The following MED15 variants were observed in gnomAD, a reference collection of about 807,000 sequenced individuals.
MED15 encodes mediator of RNA polymerase II transcription subunit 15.
Under a neutral mutation model 118.7 loss-of-function variants are expected in MED15, and 41 were observed. The observed-to-expected ratio is 0.35, with a 90% CI of 0.27 to 0.45. MED15 has a LOEUF of 0.45. Among genes scored for constraint, MED15 ranks in the 20% least tolerant of loss-of-function variants. MED15 has a pLI of 1.00. For missense variants in MED15, 740 were observed against 1,025.5 expected (o/e 0.72, Z 3.80); for synonymous variants, 436 against 413.9 (o/e 1.05, Z -0.65).
rs1430917756 is a variant in MED15, at chr22:20,566,828, G to A, written c.1041+11G>A. 6 of 1,610,990 alleles carry A rather than the reference G, an allele frequency of 3.7e-6. No individual in the cohort carries two copies. Among genetic ancestry groups the A allele is most frequent in the Middle Eastern group, 3.3e-4 (2 of 6,078 alleles). ...CCACCACTGAAATTTGTGAGTACCTGTGGCCCACAGTGGAGCACATGCAGC... is the reference window on the plus strand; with the variant it reads ...CCACCACTGAAATTTGTGAGTACCTATGGCCCACAGTGGAGCACATGCAGC... On this transcript the variant is annotated intron_variant, in intron 7 of 17. Coordinates refer to ENST00000263205, the MANE Select transcript of MED15 (RefSeq NM_001003891.3).
At chr22:20,586,303 G>C (rs559032237) in intron 17 of MED15, among the ~76,000 whole-genome samples, 1 of 152,308 alleles carries the variant, frequency 6.6e-6, no homozygotes, top group African/African-American at 2.4e-5. Flanking sequence ...AGCAGAGCTG[G>C]CACACAGCAG....
chr22:20,537,526 G>A (rs1443582953), intron 2 of MED15, among the ~76,000 whole-genome samples: 6 of 152,198 alleles, frequency 3.9e-5, no homozygotes, highest in East Asian at 3.8e-4. Context: ...GATCAATGCC[G>A]TGAGCAAGAA....
chr22:20,565,592 C>T (rs961990860), intron 6 of MED15, among the ~76,000 whole-genome samples: 2 of 152,210 alleles, frequency 1.3e-5, no homozygotes, highest in Admixed American at 6.5e-5. Flanking sequence ...CACCACCCTC[C>T]CACCCCTTCA....
At position 20,575,169 on chromosome 22, in the gene MED15, T is replaced by C; in HGVS notation, c.1209T>C (p.Pro403=). The C allele has an allele frequency of 6.2e-7, 1 of 1,614,216 alleles. No homozygotes were observed. The change falls in exon 9 of 18, where the codon CCT becomes CCC. Residue 403 remains proline (P), a synonymous_variant. Transcript: ENST00000263205. ...GGMHIRARFP[P]TTAVSAIPSS... is the part of the protein sequence containing the mutation. ...TGCACATAAGAGCCCGGTTCCCGCC[T>C]ACCACCGCTGTGTCCGCCATCCCGT...
At chr22:20,518,601 C>A (rs1601450517) in intron 1 of MED15, among the ~76,000 whole-genome samples, 1 of 152,148 alleles carries the variant, frequency 6.6e-6, no homozygotes, top group Admixed American at 6.5e-5. Context: ...TTTGCCTTGC[C>A]AACAGCATTG....
intron 6 of MED15, 65 bp from the exon 7 acceptor site, chr22:20,566,402 C>G: frequency 6.3e-7 from 1 of 1,588,908 alleles, no homozygotes; most frequent in Non-Finnish European, 8.6e-7. Context: ...CAGACTGTCA[C>G]AGGGAGGAGC....
chr22:20,567,580 T>C (rs534715318), intron 7 of MED15, among the ~76,000 whole-genome samples: 1 of 152,322 alleles, frequency 6.6e-6, no homozygotes, highest in Admixed American at 6.5e-5. Context: ...ATCTGTCACC[T>C]GGGAGTCGAC....
chr22:20,525,941 G>A (rs1043172601), intron 1 of MED15, among the ~76,000 whole-genome samples: 6 of 149,038 alleles, frequency 4.0e-5, no homozygotes, highest in African/African-American at 1.5e-4. Flanking sequence ...TTTTTTTTGA[G>A]ACAGGGTCTT....
chr22:20,549,504 C>T (rs935936080), intron 2 of MED15, among the ~76,000 whole-genome samples: 1 of 151,928 alleles, frequency 6.6e-6, no homozygotes, highest in Non-Finnish European at 1.5e-5. Flanking sequence ...GTGAAAGAGC[C>T]CAGCCAGGGG....
In MED15 at chr22:20,566,612, A is replaced by C. The variant is rs1177498183; in HGVS notation, c.836A>C (p.Gln279Pro). ...PIQQPPMQQPQPPPSQALPQQ... is the reference protein window; with the variant it reads ...PIQQPPMQQPPPPPSQALPQQ... Reference sequence around the variant, plus strand: ...CAGCAGCCACCGATGCAGCAGCCACAGCCTCCGCCCTCCCAGGCTCTGCCC... The same window carrying C: ...CAGCAGCCACCGATGCAGCAGCCACCGCCTCCGCCCTCCCAGGCTCTGCCC... The change falls in exon 7 of 18, where the codon CAG becomes CCG. Residue 279 changes from glutamine (Q) to proline (P), a missense_variant. Around this residue, in one of 7 missense-constraint regions of MED15, gnomAD observed 384 missense variants for 506.3 expected, o/e 0.76. Coordinates refer to ENST00000263205, the MANE Select transcript of MED15 (RefSeq NM_001003891.3). 1 of 1,614,008 alleles carries C rather than the reference A, an allele frequency of 6.2e-7. No individual in the cohort carries two copies. Among genetic ancestry groups the C allele is most frequent in the South Asian group, 1.1e-5 (1 of 91,070 alleles).
intron 5 of MED15, among the ~76,000 whole-genome samples, chr22:20,556,579 C>T (rs138331367): frequency 0.036 from 5,525 of 152,240 alleles, 306 homozygotes; most frequent in African/African-American, 0.13. Context: ...GGATTACAGA[C>T]GTGAGCCATC....
rs773634725 is a variant in MED15 at position 20,585,710 on chromosome 22, G to C, written c.2132-18G>C. 1.2e-6 allele frequency: 2 copies of C among 1,611,204 alleles called. No individual in the cohort carries two copies. Among genetic ancestry groups the C allele is most frequent in the African/African-American group, 2.7e-5 (2 of 74,894 alleles). ...CCGGGGCTTGTCCAGGTCACAGATA[G>C]AGCCTTCTGTGTTGCAGATGACAAG... On this transcript the variant is annotated intron_variant, in intron 16 of 17. Coordinates refer to ENST00000263205, the MANE Select transcript of MED15 (RefSeq NM_001003891.3).
intron 1 of MED15, among the ~76,000 whole-genome samples, chr22:20,512,334 A>G (rs2054100091): frequency 6.6e-6 from 1 of 151,928 alleles, no homozygotes; most frequent in Non-Finnish European, 1.5e-5. Context: ...TGTTTAAGGT[A>G]TTGAAAAATG....
intron 7 of MED15, among the ~76,000 whole-genome samples, 182 bp downstream of exon 7, chr22:20,566,999 A>C (rs954221698): frequency 6.6e-6 from 1 of 152,108 alleles, no homozygotes; most frequent in African/African-American, 2.4e-5. Flanking sequence ...TGTGTTTTGC[A>C]TTTTGTGTTC....
At chr22:20,522,043 T>A (rs568891353) in intron 1 of MED15, 1 of 152,244 alleles carries the variant, frequency 6.6e-6, no homozygotes, top group East Asian at 1.9e-4. Context: ...TTCTTGTTTA[T>A]GACGTGTTAT....
At position 20,585,016 on chromosome 22, in the gene MED15, G is replaced by GT; in HGVS notation, c.1964+2dup. The GT allele has an allele frequency of 6.2e-7, 1 of 1,613,994 alleles. No individual in the cohort carries two copies. The highest frequency in any genetic ancestry group is 8.5e-7 in the Non-Finnish European group (1 of 1,179,984). ...CCGCCATTCACGGCCCACCCATCAC[G>GT]TATGTCCAGCTGGGCTGGGCTTTGC... is the stretch of plus-strand genomic sequence containing the variant. On this transcript the variant is annotated splice_donor_variant, in intron 15 of 17. Coordinates refer to ENST00000263205, the MANE Select transcript of MED15 (RefSeq NM_001003891.3). LOFTEE classifies it high-confidence loss of function.
At chr22:20,570,738 C>CT in intron 8 of MED15, among the ~76,000 whole-genome samples, 1 of 90,988 alleles carries the variant, frequency 1.1e-5, no homozygotes, top group Non-Finnish European at 2.1e-5. Flanking sequence ...TTCTTTCTTT[C>CT]TTTCTTTCTT....
chr22:20,572,769 T>C (rs2056705073), intron 8 of MED15, among the ~76,000 whole-genome samples: 1 of 151,922 alleles, frequency 6.6e-6, no homozygotes, highest in Non-Finnish European at 1.5e-5. Flanking sequence ...AAAATAAAAA[T>C]AAAAAGTTAG....
At chr22:20,567,670 C>G (rs1316662704) in intron 7 of MED15, among the ~76,000 whole-genome samples, 1 of 152,164 alleles carries the variant, frequency 6.6e-6, no homozygotes, top group Non-Finnish European at 1.5e-5. Flanking sequence ...AGGGTTTGCC[C>G]TAGTGGCTTG....
Sources: allele counts gnomAD v4.1 joint callset (sites outside exome capture counted in the v4.1 genomes callset), GRCh38; gene constraint gnomAD v4.1.1; regional missense constraint gnomAD v4.1.1; transcripts MANE v1.5; gene names NCBI Gene and HGNC (gene_info 2026-07-23, HGNC 2026-07-21).